ACSBG2: variants seen among roughly 807,000 people sequenced by gnomAD.
ACSBG2 encodes the protein long-chain-fatty-acid--CoA ligase ACSBG2.
ACSBG2 carries 62 observed loss-of-function variants against 74.7 expected under a neutral mutation model. The ratio of observed to expected loss-of-function variants is 0.83; its 90% CI spans 0.68 to 1.03. The LOEUF is 1.03. ACSBG2 is among the 50% of genes least tolerant of loss of function. ACSBG2 has a pLI of 0.00. For synonymous variants in ACSBG2, 309 were observed against 294.1 expected, an observed-to-expected ratio of 1.05 and a Z score of -0.52; for missense variants, 730 against 817.6, an observed-to-expected ratio of 0.89 and a Z score of 1.31.
intron 3 of ACSBG2, among the ~76,000 whole-genome samples, chr19:6,148,761 G>C (rs2089133462): frequency 1.3e-5 from 2 of 152,038 alleles, no homozygotes; most frequent in South Asian, 2.1e-4. Flanking sequence ...GTCTCCTTTA[G>C]CCATGTTCTT....
intron 7 of ACSBG2, among the ~76,000 whole-genome samples, chr19:6,171,738 T>C (rs1431900460): frequency 1.3e-5 from 2 of 152,198 alleles, no homozygotes; most frequent in East Asian, 3.8e-4. Context: ...TCTGGATTTC[T>C]CATATCTAGA....
chr19:6,177,808 T>C lies in ACSBG2; in HGVS notation c.906+412T>C, dbSNP rs987682730. Among the ~76,000 whole-genome samples the C allele has an allele frequency of 3.3e-5, 5 of 151,934 alleles. No homozygotes were observed. The South Asian group carries it at 6.2e-4, about 19-fold the overall frequency. ...ATCTTTATCCAAGTCAGGGCATCCA[T>C]GTATGGTTATGTAGATTGAACACTG... On this transcript the variant is annotated intron_variant, in intron 8 of 14. Transcript: ENST00000588485.
chr19:6,187,158 C>G (rs2090431392), intron 11 of ACSBG2, 125 bp from the exon 12 acceptor site: 3 of 1,356,280 alleles, frequency 2.2e-6, no homozygotes, highest in Non-Finnish European at 2.0e-6. Context: ...GTGCACACCA[C>G]CAAACCTGGC....
Position 6,177,334 on chromosome 19 carries a change from G to A in ACSBG2, c.844G>A (p.Asp282Asn), listed in dbSNP as rs748025546. ...PLSHIAAQMM[D>N]IWVPIKIGAL... ...CAGCCATATTGCAGCACAGATGATG[G>A]ACATCTGGGTACCCATAAAGATTGG... The change falls in exon 8 of 15, where the codon GAC becomes AAC. Residue 282 changes from aspartate to asparagine, a missense_variant. Asp to Asn is a conservative substitution (Grantham distance 23, BLOSUM62 1). Coordinates refer to ENST00000588485, the MANE Select transcript of ACSBG2 (RefSeq NM_030924.5). 6.2e-7 allele frequency: 1 copy of A among 1,613,148 alleles called. No individual in the cohort carries two copies. Among genetic ancestry groups the A allele is most frequent in the South Asian group, 1.1e-5 (1 of 90,962 alleles).
chr19:6,147,056 G>A (rs1390579734), intron 2 of ACSBG2, among the ~76,000 whole-genome samples: 1 of 151,986 alleles, frequency 6.6e-6, no homozygotes, highest in Non-Finnish European at 1.5e-5. Context: ...AGCTGTGATT[G>A]TGCCAGTGCA....
At position 6,183,843 on chromosome 19, in the gene ACSBG2, A is replaced by G. The variant is rs749905509; in HGVS notation, c.1322+571A>G. 5.2e-4 allele frequency among the ~76,000 whole-genome samples: 79 copies of G among 152,192 alleles called. 1 individual carries two copies. The highest frequency in any genetic ancestry group is 1.6e-4 in the Non-Finnish European group (11 of 68,038). ...GAGATAGGGTCTCACTTTGTTGCCC[A>G]GGCTGGAGTGCAATGGTACAATCAT... On this transcript the variant is annotated intron_variant, in intron 10 of 14. Coordinates refer to ENST00000588485, the MANE Select transcript of ACSBG2 (RefSeq NM_030924.5).
chr19:6,164,738 C>T (rs1429351215), intron 6 of ACSBG2, among the ~76,000 whole-genome samples: 3 of 152,096 alleles, frequency 2.0e-5, no homozygotes, highest in African/African-American at 7.2e-5. Context: ...CGAGGGGCCT[C>T]CATCTTTAAG....
chr19:6,166,075 T>C (rs1164882979), intron 7 of ACSBG2, 60 bp downstream of exon 7: 23 of 1,603,038 alleles, frequency 1.4e-5, no homozygotes, highest in Non-Finnish European at 2.0e-5. Context: ...CTTGTTGGCT[T>C]CCAGGGGCAG....
At chr19:6,140,039 C>G (rs1026128414) in intron 1 of ACSBG2, among the ~76,000 whole-genome samples, 2 of 151,900 alleles carry the variant, frequency 1.3e-5, no homozygotes, top group Non-Finnish European at 2.9e-5. Flanking sequence ...CTGGCAAACA[C>G]GGTGAAACCC....
At chr19:6,159,429 A>G (rs1340813867) in intron 5 of ACSBG2, among the ~76,000 whole-genome samples, 1 of 152,150 alleles carries the variant, frequency 6.6e-6, no homozygotes, top group Non-Finnish European at 1.5e-5. Flanking sequence ...TGCCACATAC[A>G]CAACCTTCCC....
rs1267133780 is a variant in ACSBG2 at position 6,192,382 on chromosome 19, C to CAA, written c.*36-284_*36-283dup. Reference sequence around the variant, plus strand: ...AAGCGATCCTCCTGCTTCAGCTTCACAAAGTGCTGTGATTACAAGTGTGAG... The same window carrying CAA: ...AAGCGATCCTCCTGCTTCAGCTTCACAAAAAGTGCTGTGATTACAAGTGTGAG... On this transcript the variant is annotated intron_variant, in intron 14 of 14. Coordinates refer to ENST00000588485, the MANE Select transcript of ACSBG2 (RefSeq NM_030924.5). 3.9e-5 allele frequency among the ~76,000 whole-genome samples: 6 copies of CAA among 152,314 alleles called. No homozygotes were observed. In the East Asian group the frequency reaches 5.8e-4, roughly 15 times the overall value.
In ACSBG2 at chr19:6,165,905, A is replaced by G. The variant is rs780593662; in HGVS notation, c.628A>G (p.Thr210Ala). The change falls in exon 7 of 15, where the codon ACC becomes GCC. Residue 210 changes from threonine to alanine, a missense_variant. Transcript: ENST00000588485. ...FMELGRSIPD[T>A]QLEQVIESQK... ...GGAACTTGGCAGAAGTATCCCTGAC[A>G]CCCAACTGGAGCAGGTCATCGAGAG... 3.1e-6 allele frequency: 5 copies of G among 1,613,990 alleles called. No individual in the cohort carries two copies. Among genetic ancestry groups the G allele is most frequent in the Non-Finnish European group, 4.2e-6 (5 of 1,180,008 alleles).
Position 6,185,457 on chromosome 19 carries a change from G to C in ACSBG2, c.1344G>C (p.Gly448=). 1 of 1,614,194 alleles carries C rather than the reference G, an allele frequency of 6.2e-7. No individual in the cohort carries two copies. Among genetic ancestry groups the C allele is most frequent in the African/African-American group, 1.3e-5 (1 of 75,060 alleles). ...GCAGCTGTGGCAAGATCTTGACTGG[G>C]TGTAAGAATATGCTGTTCCAGCAGA... is the stretch of plus-strand genomic sequence containing the variant. ...RLLSCGKILT[G]CKNMLFQQNK... Residue 448 remains glycine, a synonymous_variant, in exon 11 of 15, where the codon GGG becomes GGC. Coordinates refer to ENST00000588485, the MANE Select transcript of ACSBG2 (RefSeq NM_030924.5).
intron 2 of ACSBG2, among the ~76,000 whole-genome samples, chr19:6,143,861 T>C (rs899210101): frequency 6.6e-6 from 1 of 152,216 alleles, no homozygotes; most frequent in Admixed American, 6.5e-5. Flanking sequence ...ATGAGATTAA[T>C]TGTGCATCTC....
rs1176866114 is a variant in ACSBG2, at chr19:6,147,432, G to A, written c.68-14G>A. The A allele has an allele frequency of 6.2e-7, 1 of 1,608,058 alleles. No individual in the cohort carries two copies. Among genetic ancestry groups the A allele is most frequent in the Non-Finnish European group, 8.5e-7 (1 of 1,174,528 alleles). On this transcript the variant is annotated splice_polypyrimidine_tract_variant and intron_variant, in intron 2 of 14. Coordinates refer to ENST00000588485, the MANE Select transcript of ACSBG2 (RefSeq NM_030924.5). Reference sequence around the variant, plus strand: ...TAAAAACATTTGCCACCCAACTCTGGTGACTATTTGCAGTTACTCCCAGGC... The same window carrying A: ...TAAAAACATTTGCCACCCAACTCTGATGACTATTTGCAGTTACTCCCAGGC...
In ACSBG2 at chr19:6,156,519, G is replaced by A. The variant is rs373234604; in HGVS notation, c.475G>A (p.Glu159Lys). Residue 159 changes from glutamate (E) to lysine (K), a missense_variant, in exon 5 of 15, where the codon GAG (glutamate) becomes AAG (lysine). Transcript: ENST00000588485. Reference protein sequence around the residue: ...THAKVNILLVENDQQLQKILS... With the variant: ...THAKVNILLVKNDQQLQKILS... The stretch of plus-strand genomic sequence containing the variant: ...TGCCAAAGTGAACATCTTGCTGGTT[G>A]AGAATGATCAACAGTTACAGAAAAT... The A allele has an allele frequency of 6.3e-6, 10 of 1,592,140 alleles. No homozygotes were observed. The highest frequency in any genetic ancestry group is 1.4e-5 in the African/African-American group (1 of 73,908).
At chr19:6,188,276 C>T (rs183172238) in intron 13 of ACSBG2, among the ~76,000 whole-genome samples, 2 of 152,270 alleles carry the variant, frequency 1.3e-5, no homozygotes, top group African/African-American at 4.8e-5. Flanking sequence ...GTTACAGGAC[C>T]CCCAGGTTTG....
intron 2 of ACSBG2, among the ~76,000 whole-genome samples, chr19:6,145,110 G>C (rs990910037): frequency 6.6e-6 from 1 of 152,048 alleles, no homozygotes; most frequent in Non-Finnish European, 1.5e-5. Context: ...GGAAAAAGTA[G>C]CATCCCGGCC....
At chr19:6,144,889 T>A (rs1426618487) in intron 2 of ACSBG2, among the ~76,000 whole-genome samples, 1 of 151,654 alleles carries the variant, frequency 6.6e-6, no homozygotes, top group Non-Finnish European at 1.5e-5. Flanking sequence ...AGAGACGAGG[T>A]TTCACTATGT....
Sources: gnomAD v4.1 joint callset for allele counts (sites outside exome capture counted in the v4.1 genomes callset) on GRCh38, gnomAD v4.1.1 for gene constraint, MANE v1.5 for transcripts, NCBI Gene and HGNC (gene_info 2026-07-23, HGNC 2026-07-21) for gene names.